FNDC3A: variants seen among roughly 807,000 people sequenced by gnomAD.
FNDC3A encodes fibronectin type III domain containing 3A, also known as fibronectin type-III domain-containing protein 3A.
A neutral mutation model predicts 148.9 loss-of-function variants in FNDC3A; 32 were observed. The ratio of observed to expected loss-of-function variants is 0.21; its 90% CI spans 0.16 to 0.29. FNDC3A has a LOEUF of 0.29. FNDC3A is among the 10% of genes least tolerant of loss of function. The pLI, the probability that FNDC3A is intolerant of heterozygous loss-of-function variation, is 1.00. For missense variants in FNDC3A, 1,191 were observed against 1,452.8 expected (o/e 0.82, Z 2.93); for synonymous variants, 472 against 473.6 (o/e 1.00, Z 0.04).
chr13:49,121,236 T>TG (rs1340432551), intron 4 of FNDC3A, among the ~76,000 whole-genome samples: 3 of 152,200 alleles, frequency 2.0e-5, no homozygotes, highest in African/African-American at 4.8e-5. Context: ...AACCTGCTCC[T>TG]GAATGAGTAC....
intron 7 of FNDC3A, among the ~76,000 whole-genome samples, chr13:49,143,655 A>T (rs567334915): frequency 5.3e-5 from 8 of 152,270 alleles, no homozygotes; most frequent in South Asian, 2.1e-4. Flanking sequence ...AAAGACTTTT[A>T]AAAATACTTT....
At chr13:49,168,858 CT>C (rs1419367774) in intron 10 of FNDC3A, 107 bp downstream of exon 10, 2 of 1,000,066 alleles carry the variant, frequency 2.0e-6, no homozygotes, top group African/African-American at 3.2e-5. Flanking sequence ...TAATTTGTTC[CT>C]GCTTTTTACA....
intron 8 of FNDC3A, among the ~76,000 whole-genome samples, chr13:49,153,370 G>GT (rs1330017176): frequency 1.3e-5 from 2 of 151,938 alleles, no homozygotes; most frequent in East Asian, 3.9e-4. Flanking sequence ...GGGGTTGTTT[G>GT]TTTTTTCTTG....
chr13:49,205,867 A>G (rs1045979849), intron 25 of FNDC3A, among the ~76,000 whole-genome samples: 3 of 152,202 alleles, frequency 2.0e-5, no homozygotes, highest in African/African-American at 7.2e-5. Flanking sequence ...TACCTACTAT[A>G]TGCTAGATTC....
intron 2 of FNDC3A, among the ~76,000 whole-genome samples, chr13:49,032,084 CAAT>C (rs1430292739): frequency 6.6e-6 from 1 of 152,112 alleles, no homozygotes; most frequent in Non-Finnish European, 1.5e-5. Context: ...ATCAAAACCA[CAAT>C]GAGATACTGC....
intron 3 of FNDC3A, among the ~76,000 whole-genome samples, chr13:49,090,296 C>T (rs1879099622): frequency 6.6e-6 from 1 of 152,144 alleles, no homozygotes; most frequent in African/African-American, 2.4e-5. Flanking sequence ...GTGGCATGTG[C>T]CTGTAGTCCC....
chr13:49,163,500 T>G (rs1004187084), intron 8 of FNDC3A, among the ~76,000 whole-genome samples: 3 of 152,164 alleles, frequency 2.0e-5, no homozygotes, highest in Non-Finnish European at 2.9e-5. Flanking sequence ...AGCACAGTAT[T>G]AGGGTGGGAG....
intron 3 of FNDC3A, among the ~76,000 whole-genome samples, chr13:49,114,418 C>A (rs544622809): frequency 5.9e-5 from 9 of 151,452 alleles, no homozygotes; most frequent in Non-Finnish European, 1.0e-4. Context: ...CCTCCCCGCC[C>A]CCCACCACCC....
chr13:49,128,887 C>G (rs138148206), intron 4 of FNDC3A, among the ~76,000 whole-genome samples: 38 of 152,344 alleles, frequency 2.5e-4, no homozygotes, highest in African/African-American at 6.7e-4. Context: ...CCACTTCCTT[C>G]AAGTTTCTGC....
Position 49,127,394 on chromosome 13 carries a change from CCTTA to C in FNDC3A, c.253-3739_253-3736del, listed in dbSNP as rs989002223. 7.9e-5 allele frequency among the ~76,000 whole-genome samples: 12 copies of C among 152,196 alleles called. 1 individual carries two copies. Among genetic ancestry groups the C allele is most frequent in the African/African-American group, 2.9e-4 (12 of 41,448 alleles). On this transcript the variant is annotated intron_variant, in intron 4 of 25. Transcript: ENST00000492622. The stretch of plus-strand genomic sequence containing the variant: ...TTGTGCAGTTAGCTCTAATTCTTCT[CCTTA>C]CTTTCTCACTTAAACCCACTGCAGT...
chr13:49,157,606 A>G (rs1883782859), intron 8 of FNDC3A, among the ~76,000 whole-genome samples: 1 of 151,260 alleles, frequency 6.6e-6, no homozygotes, highest in African/African-American at 2.4e-5. Flanking sequence ...TCTGCGTTTT[A>G]GAGTTTCCAC....
At chr13:49,187,679 T>TG in intron 16 of FNDC3A, 2 of 1,576,976 alleles carry the variant, frequency 1.3e-6, no homozygotes, top group South Asian at 2.2e-5. Flanking sequence ...GTAGCGCTGC[T>TG]GGAAGCTCTG....
chr13:49,144,016 A>G (rs2025313), intron 7 of FNDC3A, among the ~76,000 whole-genome samples: 201 of 145,594 alleles, frequency 1.4e-3, no homozygotes, highest in African/African-American at 3.8e-3. Flanking sequence ...TACTACTGCT[A>G]CTACTACTAC....
chr13:49,086,188 A>G (rs1042786062), intron 3 of FNDC3A, among the ~76,000 whole-genome samples: 6 of 152,126 alleles, frequency 3.9e-5, no homozygotes, highest in African/African-American at 1.4e-4. Flanking sequence ...AGCCTCTCCC[A>G]TCTATCTTTG....
chr13:49,156,714 T>C (rs1287031818), intron 8 of FNDC3A, among the ~76,000 whole-genome samples: 1 of 150,064 alleles, frequency 6.7e-6, no homozygotes, highest in East Asian at 2.0e-4. Context: ...AGGGCAGGCC[T>C]GGTGGTGACA....
chr13:49,181,219 T>C (rs1211656211), intron 14 of FNDC3A, among the ~76,000 whole-genome samples: 1 of 152,228 alleles, frequency 6.6e-6, no homozygotes, highest in African/African-American at 2.4e-5. Flanking sequence ...ATAATGAGGT[T>C]GGAGATGGGA....
intron 2 of FNDC3A, among the ~76,000 whole-genome samples, chr13:49,053,136 C>A (rs959149461): frequency 1.3e-5 from 2 of 152,172 alleles, no homozygotes; most frequent in African/African-American, 4.8e-5. Context: ...AGTACTTGCC[C>A]CAGATCATGA....
rs543646869 is a variant in FNDC3A at position 49,077,481 on chromosome 13, C to T, written c.175+2117C>T. On this transcript the variant is annotated intron_variant, in intron 3 of 25. Coordinates refer to ENST00000492622, the MANE Select transcript of FNDC3A (RefSeq NM_001079673.2). ...TTAATCAAAGAAGAAATAGACCTAACTCTTTTCAGAGAAGTAATCAGCTCA... is the reference window on the plus strand; with the variant it reads ...TTAATCAAAGAAGAAATAGACCTAATTCTTTTCAGAGAAGTAATCAGCTCA... Among the ~76,000 whole-genome samples the T allele has an allele frequency of 2.0e-5, 3 of 152,352 alleles. No individual in the cohort carries two copies. In the East Asian group the frequency reaches 5.8e-4, roughly 29 times the overall value.
At chr13:49,187,782 G>T in intron 16 of FNDC3A, 1 of 718,156 alleles carries the variant, frequency 1.4e-6, no homozygotes, top group Admixed American at 2.8e-5. Flanking sequence ...GTTTGTAGCA[G>T]TTAGGATTTT....
Sources: allele counts gnomAD v4.1 joint callset (sites outside exome capture counted in the v4.1 genomes callset), GRCh38; gene constraint gnomAD v4.1.1; transcripts MANE v1.5; gene names NCBI Gene and HGNC (gene_info 2026-07-23, HGNC 2026-07-21).